Variants in DOCK5 observed in about 807,000 individuals in gnomAD.
The protein encoded by DOCK5 is dedicator of cytokinesis protein 5.
Under a neutral mutation model 251.8 loss-of-function variants are expected in DOCK5, and 142 were observed. The ratio of observed to expected loss-of-function variants is 0.56; its 90% CI spans 0.49 to 0.65. The LOEUF is 0.65. Among genes scored for constraint, DOCK5 ranks in the 30% least tolerant of loss-of-function variants. The pLI is 0.00. For missense variants in DOCK5, 2,111 were observed against 2,312.3 expected, an observed-to-expected ratio of 0.91 and a Z score of 1.79; for synonymous variants, 842 against 835.5, an observed-to-expected ratio of 1.01 and a Z score of -0.13.
In DOCK5 at chr8:25,408,998, A is replaced by C; in HGVS notation, c.5404+58A>C. ...ACTAGGGAATGGAGTATGTTTATGC[A>C]TCTGGGCAGTTTGTAACTAAACCAG... is the stretch of plus-strand genomic sequence containing the variant. On this transcript the variant is annotated intron_variant, in intron 50 of 51. Coordinates refer to ENST00000276440, the MANE Select transcript of DOCK5 (RefSeq NM_024940.8). 6 of 1,608,856 alleles carry C rather than the reference A, an allele frequency of 3.7e-6. No individual in the cohort carries two copies. The South Asian group carries it at 6.6e-5, about 18-fold the overall frequency.
At chr8:25,292,716 C>A (rs546543814) in intron 6 of DOCK5, among the ~76,000 whole-genome samples, 1 of 152,234 alleles carries the variant, frequency 6.6e-6, no homozygotes, top group South Asian at 2.1e-4. Context: ...CCAGCCTGGG[C>A]AACAGAGTGA....
intron 11 of DOCK5, 182 bp downstream of exon 11, chr8:25,304,509 A>G (rs2117172264): frequency 9.3e-6 from 5 of 535,938 alleles, no homozygotes; most frequent in Non-Finnish European, 1.6e-5. Flanking sequence ...TTGGACTCCC[A>G]TTGAAGAGGG....
chr8:25,278,105 G>A (rs994677988), intron 4 of DOCK5, among the ~76,000 whole-genome samples: 15 of 152,202 alleles, frequency 9.9e-5, no homozygotes, highest in African/African-American at 2.9e-4. Context: ...TGCTGCCTCC[G>A]TATCCCCCAC....
chr8:25,239,031 C>T (rs982073594), intron 1 of DOCK5, among the ~76,000 whole-genome samples: 1 of 152,158 alleles, frequency 6.6e-6, no homozygotes, highest in Non-Finnish European at 1.5e-5. Context: ...AGAAAGAGAT[C>T]CACGCAGGTA....
At chr8:25,232,093 G>T (rs569719191) in intron 1 of DOCK5, among the ~76,000 whole-genome samples, 36 of 152,232 alleles carry the variant, frequency 2.4e-4, no homozygotes, top group African/African-American at 7.0e-4. Context: ...TGTATGATTT[G>T]CATCCTTTTA....
At chr8:25,254,631 C>A (rs1271442983) in intron 2 of DOCK5, among the ~76,000 whole-genome samples, 1 of 151,476 alleles carries the variant, frequency 6.6e-6, no homozygotes, top group African/African-American at 2.4e-5. Context: ...AAAAATTAGC[C>A]GGGCGTGGTG....
In DOCK5 at chr8:25,288,577, G is replaced by A. The variant is rs140684548; in HGVS notation, c.322-3447G>A. Among the ~76,000 whole-genome samples, 1,327 of 152,218 alleles carry A rather than the reference G, an allele frequency of 8.7e-3. 14 individuals are homozygous for A. Among genetic ancestry groups the A allele is most frequent in the Middle Eastern group, 0.02 (6 of 294 alleles). On this transcript the variant is annotated intron_variant, in intron 5 of 51. Coordinates refer to ENST00000276440, the MANE Select transcript of DOCK5 (RefSeq NM_024940.8). Reference sequence around the variant, plus strand: ...GCACTGTGTCACACAGAGGATCCCCGGAGCCTTTGAACCCTTTCTTTACCA... The same window carrying A: ...GCACTGTGTCACACAGAGGATCCCCAGAGCCTTTGAACCCTTTCTTTACCA...
At chr8:25,387,808 CATCTGT>C (rs1337804953) in intron 40 of DOCK5, among the ~76,000 whole-genome samples, 1 of 152,200 alleles carries the variant, frequency 6.6e-6, no homozygotes, top group Non-Finnish European at 1.5e-5. Flanking sequence ...TTATCCCATT[CATCTGT>C]CTATGCCCAT....
chr8:25,228,731 T>TC (rs201957191), intron 1 of DOCK5, among the ~76,000 whole-genome samples: 470 of 32,906 alleles, frequency 0.014, 2 homozygotes, highest in Non-Finnish European at 0.062. Flanking sequence ...TAAACTATTT[T>TC]TAACCTTTTT....
intron 29 of DOCK5, among the ~76,000 whole-genome samples, chr8:25,363,483 C>G (rs1387494641): frequency 6.6e-6 from 1 of 152,206 alleles, no homozygotes; most frequent in African/African-American, 2.4e-5. Context: ...TGTTCTATGA[C>G]CGGTCCATGA....
chr8:25,285,592 G>A (rs770304018), intron 5 of DOCK5, among the ~76,000 whole-genome samples: 9 of 152,200 alleles, frequency 5.9e-5, no homozygotes, highest in Non-Finnish European at 1.0e-4. Flanking sequence ...TGGGAAGAGG[G>A]GGTAGGGGAA....
chr8:25,289,806 C>T (rs975872316), intron 5 of DOCK5, among the ~76,000 whole-genome samples: 4 of 152,056 alleles, frequency 2.6e-5, no homozygotes, highest in African/African-American at 7.2e-5. Flanking sequence ...CACGCCATTG[C>T]ACTCTAGCCT....
At chr8:25,317,496 TCAGAA>T (rs1586323794) in intron 14 of DOCK5, 1 of 172,420 alleles carries the variant, frequency 5.8e-6, no homozygotes, top group East Asian at 1.5e-4. Context: ...TCGAATAGCA[TCAGAA>T]AGCATGTTTC....
intron 13 of DOCK5, among the ~76,000 whole-genome samples, chr8:25,311,393 A>G (rs901571717): frequency 3.3e-5 from 5 of 151,712 alleles, no homozygotes; most frequent in African/African-American, 1.2e-4. Flanking sequence ...AATACAAAAA[A>G]TTAGCTGGGT....
At chr8:25,229,173 G>A (rs942871880) in intron 1 of DOCK5, among the ~76,000 whole-genome samples, 2 of 152,054 alleles carry the variant, frequency 1.3e-5, no homozygotes, top group Admixed American at 6.6e-5. Context: ...CCACACATAC[G>A]TTTCTTGACT....
chr8:25,374,968 T>C (rs7812830), intron 37 of DOCK5: 572,093 of 1,196,578 alleles, frequency 0.48, 137,759 homozygotes, highest in Middle Eastern at 0.56. Flanking sequence ...TGCAGAAAAC[T>C]GCAGAAAGAT....
intron 38 of DOCK5, 147 bp from the exon 39 acceptor site, chr8:25,380,158 C>A: frequency 1.5e-6 from 1 of 671,818 alleles, no homozygotes; most frequent in Non-Finnish European, 2.6e-6. Flanking sequence ...TTTCACTGAT[C>A]TAAGGGATAA....
At chr8:25,279,172 A>T (rs1235465888) in intron 5 of DOCK5, among the ~76,000 whole-genome samples, 4 of 152,130 alleles carry the variant, frequency 2.6e-5, no homozygotes, top group Non-Finnish European at 5.9e-5. Flanking sequence ...GAATAGTGTT[A>T]AGTTGTGGTC....
chr8:25,390,181 C>T, intron 41 of DOCK5, 25 bp from the exon 42 acceptor site: 1 of 1,562,782 alleles, frequency 6.4e-7, no homozygotes, highest in Non-Finnish European at 8.7e-7. Flanking sequence ...CCCAGCCCCT[C>T]TCCTTTCCTT....
Sources: gnomAD v4.1 joint callset for allele counts (sites outside exome capture counted in the v4.1 genomes callset) on GRCh38, gnomAD v4.1.1 for gene constraint, MANE v1.5 for transcripts, NCBI Gene and HGNC (gene_info 2026-07-23, HGNC 2026-07-21) for gene names.